The following CACUL1 variants were observed in gnomAD, a reference collection of about 807,000 sequenced individuals.
The protein encoded by CACUL1 is CDK2-associated and cullin domain-containing protein 1.
In CACUL1, 13 loss-of-function variants were observed where a neutral mutation model predicts 45.2. That is an observed-to-expected ratio of 0.29 (90% confidence interval 0.19 to 0.46). The LOEUF (loss-of-function observed/expected upper bound fraction) is 0.46. Among genes scored for constraint, CACUL1 ranks in the 20% least tolerant of loss-of-function variants. The pLI is 1.00. For missense variants in CACUL1, 421 were observed against 471.4 expected, an observed-to-expected ratio of 0.89 and a Z score of 0.99; for synonymous variants, 197 against 174.2, an observed-to-expected ratio of 1.13 and a Z score of -1.03.
At chr10:118,730,551 C>A in intron 1 of CACUL1, 141 bp from the exon 2 acceptor site, 1 of 808,958 alleles carries the variant, frequency 1.2e-6, no homozygotes, top group Non-Finnish European at 1.9e-6. Context: ...TATCCTATTT[C>A]AATTAAAAAC....
chr10:118,696,929 A>G (rs1845329057), intron 5 of CACUL1, among the ~76,000 whole-genome samples: 1 of 152,238 alleles, frequency 6.6e-6, no homozygotes, highest in African/African-American at 2.4e-5. Context: ...TTATGTGGTC[A>G]AGTATATACA....
intron 5 of CACUL1, 34 bp from the exon 6 acceptor site, chr10:118,695,264 C>T (rs1408053046): frequency 8.8e-7 from 1 of 1,140,816 alleles, no homozygotes; most frequent in African/African-American, 1.5e-5. Context: ...AAGAATGTAA[C>T]ACATATTGAC....
chr10:118,735,675 T>C (rs1443777459), intron 1 of CACUL1, among the ~76,000 whole-genome samples: 3 of 152,150 alleles, frequency 2.0e-5, no homozygotes, highest in African/African-American at 7.2e-5. Context: ...AATAAAGGTG[T>C]GAATATATCA....
intron 1 of CACUL1, among the ~76,000 whole-genome samples, chr10:118,751,395 A>T (rs1297323784): frequency 6.6e-6 from 1 of 152,056 alleles, no homozygotes; most frequent in Non-Finnish European, 1.5e-5. Flanking sequence ...ATTCATTTGG[A>T]GTCTATCCAT....
In CACUL1 at chr10:118,754,586, C is replaced by A. The variant is rs773452532; in HGVS notation, c.177G>T (p.Ala59=). ...AREPPGGQLL[A]VPAVSVDRKG... is the part of the protein sequence containing the mutation. ...TCCTGTCCACGGAGACCGCGGGCACCGCCAGCAGCTGCCCCCCCGGAGGCT... is the reference window on the plus strand; with the variant it reads ...TCCTGTCCACGGAGACCGCGGGCACAGCCAGCAGCTGCCCCCCCGGAGGCT... Residue 59 remains alanine, a synonymous_variant, in exon 1 of 9, where the codon GCG becomes GCT. Coordinates refer to ENST00000369151, the MANE Select transcript of CACUL1 (RefSeq NM_153810.5). 1.2e-6 allele frequency: 2 copies of A among 1,609,150 alleles called. No individual in the cohort carries two copies. The highest frequency in any genetic ancestry group is 1.7e-6 in the Non-Finnish European group (2 of 1,178,002).
At position 118,677,698 on chromosome 10, in the gene CACUL1, G is replaced by GCCTT. The variant is rs1482647101; in HGVS notation, c.*8426_*8429dup. On this transcript the variant is annotated 3_prime_UTR_variant, in exon 9 of 9. Coordinates refer to ENST00000369151, the MANE Select transcript of CACUL1 (RefSeq NM_153810.5). The stretch of plus-strand genomic sequence containing the variant: ...ATGTTGAAGCCCGCAGTGGTATGAT[G>GCCTT]CCTTGACCACTCTAGAGAATTCCAC... 1 of 152,160 alleles carries GCCTT rather than the reference G, an allele frequency of 6.6e-6. No individual in the cohort carries two copies. The highest frequency in any genetic ancestry group is 1.5e-5 in the Non-Finnish European group (1 of 68,024). 9.4% of individuals were successfully genotyped at this position (152,160 alleles called of 1,614,324 possible).
Position 118,678,629 on chromosome 10 carries a change from T to A in CACUL1, c.*7499A>T, listed in dbSNP as rs80279626. 2.6e-5 allele frequency: 4 copies of A among 152,140 alleles called. No homozygotes were observed. The highest frequency in any genetic ancestry group is 1.3e-4 in the Admixed American group (2 of 15,280). The allele number at this position is 152,140 out of a possible 1,614,324, so 9.4% of individuals were successfully genotyped here. ...ATTTAGGTCCATTAAGTTTTTTTTT[T>A]ATCATTTTCTCATTTTAAAATTTAT... On this transcript the variant is annotated 3_prime_UTR_variant, in exon 9 of 9. Transcript: ENST00000369151.
At chr10:118,733,874 G>A (rs983183558) in intron 1 of CACUL1, among the ~76,000 whole-genome samples, 2 of 151,832 alleles carry the variant, frequency 1.3e-5, no homozygotes, top group Non-Finnish European at 2.9e-5. Context: ...AAAATTAGCC[G>A]AGCGTGGTGA....
At chr10:118,694,987 G>A in intron 6 of CACUL1, 154 bp downstream of exon 6, 1 of 545,268 alleles carries the variant, frequency 1.8e-6, no homozygotes, top group Non-Finnish European at 3.4e-6. Context: ...TGAGCTCTGA[G>A]TTTACATTTC....
At chr10:118,749,521 C>T (rs1020906987) in intron 1 of CACUL1, among the ~76,000 whole-genome samples, 12 of 152,206 alleles carry the variant, frequency 7.9e-5, no homozygotes, top group African/African-American at 2.9e-4. Flanking sequence ...GTAACCTCAC[C>T]TAAAACCCAC....
intron 6 of CACUL1, chr10:118,693,896 T>C (rs1845295741): frequency 2.7e-6 from 1 of 367,870 alleles, no homozygotes; most frequent in Non-Finnish European, 5.3e-6. Context: ...CTAGATGTCA[T>C]TAATCATTTA....
At chr10:118,747,612 T>C (rs1340705266) in intron 1 of CACUL1, among the ~76,000 whole-genome samples, 1 of 122,506 alleles carries the variant, frequency 8.2e-6, no homozygotes, top group Non-Finnish European at 1.8e-5. Context: ...GAAAAATGAA[T>C]AAGTAACTGA....
intron 1 of CACUL1, among the ~76,000 whole-genome samples, chr10:118,740,149 A>AAAAC (rs1039074501): frequency 1.7e-4 from 26 of 152,098 alleles, no homozygotes; most frequent in African/African-American, 7.2e-5. Context: ...TCTGTCTCAG[A>AAAAC]AAACAAACAA....
chr10:118,744,620 G>T (rs1845824392), intron 1 of CACUL1, among the ~76,000 whole-genome samples: 1 of 152,136 alleles, frequency 6.6e-6, no homozygotes, highest in Non-Finnish European at 1.5e-5. Context: ...CTTTAAAATA[G>T]TTAATTGTGT....
chr10:118,741,230 T>C (rs572485796), intron 1 of CACUL1, among the ~76,000 whole-genome samples: 2 of 152,188 alleles, frequency 1.3e-5, no homozygotes, highest in African/African-American at 2.4e-5. Context: ...TGTATTACTT[T>C]AATAAGAGCA....
chr10:118,752,413 A>C (rs1190501645), intron 1 of CACUL1, among the ~76,000 whole-genome samples: 2 of 152,264 alleles, frequency 1.3e-5, no homozygotes, highest in Non-Finnish European at 1.5e-5. Flanking sequence ...AGATAATCGT[A>C]ATTTTTTTCC....
chr10:118,740,929 A>G (rs1845786754), intron 1 of CACUL1, among the ~76,000 whole-genome samples: 1 of 152,016 alleles, frequency 6.6e-6, no homozygotes, highest in Non-Finnish European at 1.5e-5. Flanking sequence ...CCATCTCAAA[A>G]AAAAAAAAAA....
At chr10:118,701,450 G>A in intron 4 of CACUL1, 42 bp from the exon 5 acceptor site, 1 of 1,121,910 alleles carries the variant, frequency 8.9e-7, no homozygotes, top group African/African-American at 1.5e-5. Context: ...ATTAATTGGG[G>A]AAATGATTAG....
At position 118,677,073 on chromosome 10, in the gene CACUL1, T is replaced by C. The variant is rs1291288150; in HGVS notation, c.*9055A>G. ...TGGTATGATAGGAATCAGTTTAATGTTCTCTAATTATACCAGCACCTTTCA... is the reference window on the plus strand; with the variant it reads ...TGGTATGATAGGAATCAGTTTAATGCTCTCTAATTATACCAGCACCTTTCA... On this transcript the variant is annotated 3_prime_UTR_variant, in exon 9 of 9. Coordinates refer to ENST00000369151, the MANE Select transcript of CACUL1 (RefSeq NM_153810.5). 1 of 152,214 alleles carries C rather than the reference T, an allele frequency of 6.6e-6. No individual in the cohort carries two copies. Among genetic ancestry groups the C allele is most frequent in the African/African-American group, 2.4e-5 (1 of 41,450 alleles). 9.4% of individuals were successfully genotyped at this position (152,214 alleles called of 1,614,324 possible). A position where few individuals can be genotyped will look rare whatever the true frequency, so the allele number is the denominator to read the frequency against.
Sources: gnomAD v4.1 joint callset for allele counts (sites outside exome capture counted in the v4.1 genomes callset) on GRCh38, gnomAD v4.1.1 for gene constraint, MANE v1.5 for transcripts, NCBI Gene and HGNC (gene_info 2026-07-23, HGNC 2026-07-21) for gene names.